The following PIK3CD variants were observed in gnomAD, a reference collection of about 807,000 sequenced individuals.
The protein encoded by PIK3CD is phosphatidylinositol 4,5-bisphosphate 3-kinase catalytic subunit delta isoform.
PIK3CD carries 20 observed loss-of-function variants against 122.9 expected under a neutral mutation model. That is an observed-to-expected ratio of 0.16 (90% CI 0.11 to 0.24). PIK3CD has a LOEUF of 0.24. PIK3CD is among the 10% of genes least tolerant of loss of function. PIK3CD has a pLI of 1.00. For missense variants in PIK3CD, 787 were observed against 1,406.3 expected (o/e 0.56, Z 7.04); for synonymous variants, 596 against 593.4 (o/e 1.00, Z -0.06).
the PIK3CD span, among the ~76,000 whole-genome samples, chr1:9,640,163 CTTCTT>C: frequency 6.6e-6 from 1 of 152,046 alleles, no homozygotes; most frequent in Non-Finnish European, 1.5e-5. Context: ...TTTGGAAGCA[CTTCTT>C]TTCTTTCTGG....
At chr1:9,649,485 G>A (rs369473903), upstream of PIK3CD, among the ~76,000 whole-genome samples, 2 of 152,052 alleles carry the variant, frequency 1.3e-5, no homozygotes, top group African/African-American at 2.4e-5. Context: ...CTCCAGCCTC[G>A]TCCTCCCAAA....
intron 2 of PIK3CD, among the ~76,000 whole-genome samples, chr1:9,706,217 C>T (rs1269052761): frequency 6.6e-6 from 1 of 151,286 alleles, no homozygotes; most frequent in Non-Finnish European, 1.5e-5. Context: ...CTGGGTCTGG[C>T]TAGGAGCTCA....
rs28730679 is a variant in PIK3CD at position 9,724,377 on chromosome 1, T to C, written c.2820T>C (p.His940=). 7,900 of 1,614,066 alleles carry C rather than the reference T, an allele frequency of 4.9e-3. 24 individuals carry two copies. The highest frequency in any genetic ancestry group is 6.2e-3 in the Non-Finnish European group (7,362 of 1,179,992). The part of the protein sequence containing the change: ...VPFILTYDFV[H]VIQQGKTNNS... ...TCATCCTCACCTACGACTTTGTCCA[T>C]GTGATTCAGCAGGGGAAGACTAATA... Residue 940 remains histidine, a synonymous_variant, in exon 22 of 24, where the codon CAT becomes CAC. Transcript: ENST00000377346. This position sits in a 1 kb window ranked among gnomAD's most constrained non-coding sequence, Gnocchi z 7.3.
chr1:9,720,551 G>A lies in PIK3CD; in HGVS notation c.1471-60G>A. 6.5e-7 allele frequency: 1 copy of A among 1,548,102 alleles called. No individual in the cohort carries two copies. Among genetic ancestry groups the A allele is most frequent in the Middle Eastern group, 1.7e-4 (1 of 5,846 alleles). On this transcript the variant is annotated intron_variant, in intron 11 of 23. Transcript: ENST00000377346. The surrounding 1 kb of genome is among the most constrained non-coding windows in gnomAD (Gnocchi z 9.0). ...GATTGGGGTGGCAATGCCCGGCCTGGGGGTCCTGCCCGGGCTGGTCCAGGC... is the reference window on the plus strand; with the variant it reads ...GATTGGGGTGGCAATGCCCGGCCTGAGGGTCCTGCCCGGGCTGGTCCAGGC...
In PIK3CD at chr1:9,704,360, A is replaced by G. The variant is rs1374099501; in HGVS notation, c.-32-6064A>G. ...TGTGGGTTGGAGTCCCTGGGAGCTC[A>G]TGCCTCATGTGCTCATCTTGGGCCT... On this transcript the variant is annotated intron_variant, in intron 2 of 23. Transcript: ENST00000377346. This position sits in a 1 kb window ranked among gnomAD's most constrained non-coding sequence, Gnocchi z 5.0. Among the ~76,000 whole-genome samples the G allele has an allele frequency of 6.6e-6, 1 of 152,194 alleles. No individual in the cohort carries two copies. Among genetic ancestry groups the G allele is most frequent in the South Asian group, 2.1e-4 (1 of 4,824 alleles).
At position 9,680,462 on chromosome 1, in the gene PIK3CD, A is replaced by T. The variant is rs1196866986; in HGVS notation, c.-137-11005A>T. 3.3e-5 allele frequency among the ~76,000 whole-genome samples: 5 copies of T among 152,162 alleles called. No individual in the cohort carries two copies. The South Asian group carries it at 1.0e-3, about 31-fold the overall frequency. The stretch of plus-strand genomic sequence containing the variant: ...CTGTCTCTATTAAAAAAAAAAAATT[A>T]AAACATTTTCATCACTCCAAAAAGA... On this transcript the variant is annotated intron_variant, in intron 1 of 23. Transcript: ENST00000377346.
the PIK3CD span, among the ~76,000 whole-genome samples, chr1:9,633,643 C>A: frequency 3.8e-3 from 574 of 152,300 alleles, 6 homozygotes; most frequent in African/African-American, 0.013. Flanking sequence ...GAACATTCAG[C>A]CTTAGACTAG....
Position 9,715,717 on chromosome 1 carries a change from C to T in PIK3CD, c.318C>T (p.Gly106=), listed in dbSNP as rs1343448421. The T allele has an allele frequency of 3.7e-6, 6 of 1,613,414 alleles. No homozygotes were observed. In the African/African-American group the frequency reaches 4.0e-5, roughly 11 times the overall value. Residue 106 remains glycine (G), a synonymous_variant, in exon 4 of 24, where the codon GGC becomes GGT. Coordinates refer to ENST00000377346, the MANE Select transcript of PIK3CD (RefSeq NM_005026.5). The surrounding 1 kb of genome is among the most constrained non-coding windows in gnomAD (Gnocchi z 4.1). ...LPVLRLVARE[G]DRVKKLINSQ... ...TCCTGCGCCTGGTGGCCCGTGAGGG[C>T]GACCGCGTGAAGAAGCTCATCAACT... is the stretch of plus-strand genomic sequence containing the variant.
intron 1 of PIK3CD, among the ~76,000 whole-genome samples, chr1:9,672,218 G>A (rs1218588005): frequency 1.3e-5 from 2 of 152,234 alleles, no homozygotes; most frequent in African/African-American, 2.4e-5. Context: ...TTTTACATTC[G>A]ATTCCATGAT....
At chr1:9,673,805 T>C (rs535674381) in intron 1 of PIK3CD, among the ~76,000 whole-genome samples, 2 of 152,218 alleles carry the variant, frequency 1.3e-5, no homozygotes, top group Non-Finnish European at 2.9e-5. Flanking sequence ...TGACTTGTCT[T>C]TTACTAGGTT....
At chr1:9,628,325 CTT>C in the PIK3CD span, among the ~76,000 whole-genome samples, 3 of 152,098 alleles carry the variant, frequency 2.0e-5, no homozygotes, top group Non-Finnish European at 4.4e-5. Context: ...GAAAAATACT[CTT>C]AGCGCAGAAA....
chr1:9,723,337 G>A lies in PIK3CD; in HGVS notation c.2594+45G>A, dbSNP rs1648986367. On this transcript the variant is annotated intron_variant, in intron 20 of 23. Transcript: ENST00000377346. The surrounding 1 kb of genome is among the most constrained non-coding windows in gnomAD (Gnocchi z 4.9). ...ATAGGTTCCCTCTCCTTTCCAAGAG[G>A]TGTGGAGTGGGAGGGCCTCGCCTGT... 6.3e-7 allele frequency: 1 copy of A among 1,598,824 alleles called. No homozygotes were observed. Among genetic ancestry groups the A allele is most frequent in the Non-Finnish European group, 8.6e-7 (1 of 1,166,700 alleles).
At chr1:9,661,852 C>T (rs1027451417) in intron 1 of PIK3CD, among the ~76,000 whole-genome samples, 5 of 152,204 alleles carry the variant, frequency 3.3e-5, no homozygotes, top group Admixed American at 2.0e-4. Context: ...AAAAATTAGC[C>T]GAGCTTGGTG....
chr1:9,712,790 C>T (rs1647108916), intron 3 of PIK3CD, among the ~76,000 whole-genome samples: 1 of 152,030 alleles, frequency 6.6e-6, no homozygotes, highest in African/African-American at 2.4e-5. Flanking sequence ...AATCCCAGAA[C>T]TTTGGGAGGC....
At chr1:9,697,110 C>T (rs922718667) in intron 2 of PIK3CD, among the ~76,000 whole-genome samples, 1 of 150,898 alleles carries the variant, frequency 6.6e-6, no homozygotes, top group African/African-American at 2.4e-5. Context: ...AGTGGCTCAT[C>T]CCTGTAATCC....
At chr1:9,713,936 T>G (rs1647160414) in intron 3 of PIK3CD, among the ~76,000 whole-genome samples, 1 of 150,236 alleles carries the variant, frequency 6.7e-6, no homozygotes, top group Non-Finnish European at 1.5e-5. Flanking sequence ...CATGGCAGCC[T>G]CAACCTCCTG....
chr1:9,644,512 G>A, the PIK3CD span, among the ~76,000 whole-genome samples: 35 of 136,072 alleles, frequency 2.6e-4, no homozygotes, highest in East Asian at 3.9e-3. Context: ...GGAAGACTCC[G>A]TCTCAAATAA....
At chr1:9,707,044 C>G (rs1646861175) in intron 2 of PIK3CD, among the ~76,000 whole-genome samples, 1 of 151,288 alleles carries the variant, frequency 6.6e-6, no homozygotes, top group African/African-American at 2.4e-5. Context: ...AACTCCTGGC[C>G]TCAAGTGATC....
chr1:9,642,912 G>A, the PIK3CD span, among the ~76,000 whole-genome samples: 12 of 150,768 alleles, frequency 8.0e-5, no homozygotes, highest in East Asian at 9.9e-4. Flanking sequence ...GCAACATAGC[G>A]AGACCTCGTC....
Sources: allele counts gnomAD v4.1 joint callset (sites outside exome capture counted in the v4.1 genomes callset), GRCh38; gene constraint gnomAD v4.1.1; non-coding constraint Gnocchi (gnomAD v3.1); transcripts MANE v1.5; gene names NCBI Gene and HGNC (gene_info 2026-07-23, HGNC 2026-07-21).